The following COL4A5 variants were observed in gnomAD, a reference collection of about 807,000 sequenced individuals.
COL4A5 encodes collagen type IV alpha 5 chain, also known as collagen alpha-5(IV) chain.
A neutral mutation model predicts 130.2 loss-of-function variants in COL4A5; 26 were observed. The ratio of observed to expected loss-of-function variants is 0.20; its 90% CI spans 0.15 to 0.28. The LOEUF is 0.28. Ranked by LOEUF, COL4A5 falls within the 10% of genes least tolerant of loss-of-function variation. The pLI is 1.00. For synonymous variants in COL4A5, 496 were observed against 439.6 expected (o/e 1.13, Z -1.60); for missense variants, 1,131 against 1,344.3 (o/e 0.84, Z 2.48).
intron 1 of COL4A5, among the ~76,000 whole-genome samples, chrX:108,478,524 A>G (rs181167009): frequency 1.8e-5 from 2 of 111,376 alleles, no homozygotes; most frequent in Non-Finnish European, 3.8e-5. Flanking sequence ...CTTCTGGAGA[A>G]CTTTGCCTCA....
chrX:108,529,717 T>C (rs1263138018), intron 1 of COL4A5, among the ~76,000 whole-genome samples: 1 of 110,499 alleles, frequency 9.0e-6, no homozygotes, highest in Non-Finnish European at 1.9e-5. Context: ...GCAAAAGATA[T>C]TCCATACAAA....
chrX:108,655,380 C>T lies in COL4A5; in HGVS notation c.3296C>T (p.Ser1099Phe), dbSNP rs767087695. The T allele has an allele frequency of 3.3e-5, 40 of 1,210,629 alleles. No homozygotes were observed. In the Admixed American group the frequency reaches 7.8e-4, roughly 24 times the overall value. ...CCAGGGAACCCTGGTATCAAAGGTTCTGTGGGAGATCCTGGTTTGCCCGGA... is the reference window on the plus strand; with the variant it reads ...CCAGGGAACCCTGGTATCAAAGGTTTTGTGGGAGATCCTGGTTTGCCCGGA... ...GYPGNPGIKG[S>F]VGDPGLPGLP... is the part of the protein sequence containing the mutation. Residue 1099 changes from serine to phenylalanine, a missense_variant, in exon 37 of 53, where the codon TCT (serine) becomes TTT (phenylalanine). Ser to Phe is a radical substitution (Grantham distance 155). Transcript: ENST00000328300.
chrX:108,588,847 C>G (rs1251005149), intron 19 of COL4A5, among the ~76,000 whole-genome samples: 2 of 111,212 alleles, frequency 1.8e-5, no homozygotes, highest in Non-Finnish European at 3.8e-5. Context: ...GTGATAAGGA[C>G]AAATTACTAT....
At chrX:108,668,548 T>A (rs762715389) in intron 41 of COL4A5, 44 bp downstream of exon 41, 6 of 1,027,706 alleles carry the variant, frequency 5.8e-6, no homozygotes, top group African/African-American at 1.9e-5. Context: ...TATTAGTCCA[T>A]GTATTTCGTT....
chrX:108,657,989 A>T (rs1603307192), intron 37 of COL4A5, among the ~76,000 whole-genome samples: 1 of 110,489 alleles, frequency 9.1e-6, no homozygotes, highest in Non-Finnish European at 1.9e-5. Context: ...CCTGTAGTGC[A>T]GTGTTTAATA....
chrX:108,462,486 C>A (rs2064663137), intron 1 of COL4A5: 1 of 111,677 alleles, frequency 9.0e-6, no homozygotes, highest in Non-Finnish European at 1.9e-5. Context: ...GATCATGGCT[C>A]ACTGCAGCCT....
At position 108,553,844 on chromosome X, in the gene COL4A5, G is replaced by T. The variant is rs968376314; in HGVS notation, c.142-5220G>T. Among the ~76,000 whole-genome samples, 3 of 111,743 alleles carry T rather than the reference G, an allele frequency of 2.7e-5. No homozygotes were observed. The South Asian group carries it at 1.1e-3, about 42-fold the overall frequency. On this transcript the variant is annotated intron_variant, in intron 2 of 52. Coordinates refer to ENST00000328300, the MANE Select transcript of COL4A5 (RefSeq NM_033380.3). ...CTCAACTTCCCATCAACAGGTAAAT[G>T]AATCAACACATTGCAGTATACCTCT...
chrX:108,663,138 T>TA (rs896204415), intron 37 of COL4A5, among the ~76,000 whole-genome samples: 1 of 112,207 alleles, frequency 8.9e-6, no homozygotes, highest in African/African-American at 3.2e-5. Context: ...ACTAATGCAC[T>TA]ATCCTTTTGT....
chrX:108,465,823 C>T (rs924029135), intron 1 of COL4A5, among the ~76,000 whole-genome samples: 3 of 111,338 alleles, frequency 2.7e-5, no homozygotes, highest in African/African-American at 9.8e-5. Flanking sequence ...ATTTACATAA[C>T]ATAAAATTAG....
At chrX:108,476,247 A>G (rs56324670) in intron 1 of COL4A5, among the ~76,000 whole-genome samples, 11,578 of 111,060 alleles carry the variant, frequency 0.1, 1,297 homozygotes, top group African/African-American at 0.34. Flanking sequence ...TGATTTATTT[A>G]TTTTAAATTT....
At chrX:108,525,118 G>C (rs1195949084) in intron 1 of COL4A5, among the ~76,000 whole-genome samples, 1 of 111,183 alleles carries the variant, frequency 9.0e-6, no homozygotes, top group African/African-American at 3.3e-5. Context: ...TTTTTGAATT[G>C]TCTATTTCTT....
chrX:108,672,008 C>T (rs924408307), intron 42 of COL4A5, among the ~76,000 whole-genome samples: 10 of 111,670 alleles, frequency 9.0e-5, no homozygotes, highest in Non-Finnish European at 1.9e-4. Context: ...ATAACTGGGA[C>T]TCTGACTTAA....
intron 25 of COL4A5, among the ~76,000 whole-genome samples, chrX:108,599,846 A>G (rs764231809): frequency 8.9e-6 from 1 of 112,274 alleles, no homozygotes; most frequent in Admixed American, 9.4e-5. Flanking sequence ...CTTTACACAA[A>G]AGGCTTACCA....
At chrX:108,551,694 C>T (rs2065755147) in intron 2 of COL4A5, among the ~76,000 whole-genome samples, 2 of 111,486 alleles carry the variant, frequency 1.8e-5, no homozygotes. Context: ...CCATTCAACC[C>T]AGCAATCTCA....
intron 10 of COL4A5, among the ~76,000 whole-genome samples, chrX:108,577,172 A>G (rs2066163750): frequency 9.2e-6 from 1 of 108,756 alleles, no homozygotes; most frequent in Non-Finnish European, 1.9e-5. Context: ...GGAGTTTGAG[A>G]TCAGCCTGAC....
chrX:108,579,374 A>T (rs887836326), intron 13 of COL4A5, among the ~76,000 whole-genome samples: 4 of 112,576 alleles, frequency 3.6e-5, no homozygotes, highest in African/African-American at 9.7e-5. Context: ...TGGCTGAATA[A>T]TATTTCATTG....
intron 9 of COL4A5, among the ~76,000 whole-genome samples, chrX:108,575,423 A>G (rs1314104161): frequency 1.8e-5 from 2 of 112,322 alleles, no homozygotes; most frequent in African/African-American, 6.5e-5. Flanking sequence ...GTTTTCTTAT[A>G]ATTACTTAAT....
In COL4A5 at chrX:108,697,192, GC is replaced by G. The variant is rs2068749776; in HGVS notation, c.*819del. The G allele has an allele frequency of 9.0e-6, 1 of 110,936 alleles. No homozygotes were observed. Among genetic ancestry groups the G allele is most frequent in the Non-Finnish European group, 1.9e-5 (1 of 52,979 alleles). 9.1% of individuals were successfully genotyped at this position (110,936 alleles called of 1,213,427 possible). ...CCAAGATTATCTCTTAAGACCATAT[GC>G]CCCCTGTTTTAATGTTTCTTACATC... is the stretch of plus-strand genomic sequence containing the variant. On this transcript the variant is annotated 3_prime_UTR_variant, in exon 53 of 53. Coordinates refer to ENST00000328300, the MANE Select transcript of COL4A5 (RefSeq NM_033380.3).
chrX:108,621,001 G>A (rs925251252), intron 31 of COL4A5, among the ~76,000 whole-genome samples: 1 of 109,193 alleles, frequency 9.2e-6, no homozygotes, highest in African/African-American at 3.3e-5. Context: ...CTTTTCTTTC[G>A]CTCTCTCTCT....
Sources: allele counts gnomAD v4.1 joint callset (sites outside exome capture counted in the v4.1 genomes callset), GRCh38; gene constraint gnomAD v4.1.1; transcripts MANE v1.5; gene names NCBI Gene and HGNC (gene_info 2026-07-23, HGNC 2026-07-21).